The following TSPOAP1 variants were observed in gnomAD, a reference collection of about 807,000 sequenced individuals.
TSPOAP1 encodes the protein TSPO associated protein 1.
TSPOAP1 carries 87 observed loss-of-function variants against 197.0 expected under a neutral mutation model. The observed-to-expected ratio is 0.44, with a 90% confidence interval of 0.37 to 0.53. The LOEUF (loss-of-function observed/expected upper bound fraction) is 0.53. TSPOAP1 is among the 20% of genes least tolerant of loss of function. TSPOAP1 has a pLI of 0.00. For synonymous variants in TSPOAP1, 913 were observed against 998.9 expected, an observed-to-expected ratio of 0.91 and a Z score of 1.62; for missense variants, 2,174 against 2,411.3, an observed-to-expected ratio of 0.90 and a Z score of 2.06.
At chr17:58,314,819 C>G (rs529111869) in intron 16 of TSPOAP1, among the ~76,000 whole-genome samples, 2 of 152,328 alleles carry the variant, frequency 1.3e-5, no homozygotes, top group South Asian at 2.1e-4. Flanking sequence ...GAGCCTGGGC[C>G]GGAGTCAGGC....
chr17:58,326,223 C>T lies in TSPOAP1; in HGVS notation c.570+70G>A, dbSNP rs1391254334. 2 of 1,593,378 alleles carry T rather than the reference C, an allele frequency of 1.3e-6. No individual in the cohort carries two copies. Among genetic ancestry groups the T allele is most frequent in the Non-Finnish European group, 8.5e-7 (1 of 1,170,056 alleles). ...CCGTGACTCCCAAGCTTCAGACAGC[C>T]CTCAGGCCCAGCCCTGGCTCCCCTC... On this transcript the variant is annotated intron_variant, in intron 3 of 31. Coordinates refer to ENST00000343736, the MANE Select transcript of TSPOAP1 (RefSeq NM_004758.4). The surrounding 1 kb of genome is among the most constrained non-coding windows in gnomAD (Gnocchi z 4.7).
Position 58,316,546 on chromosome 17 carries a change from G to C in TSPOAP1, c.1873-6C>G. ...ACCTCACTGGCTGTGTCCACCTGGG[G>C]GCAAACAGAAAGGGCTGGTTTCTCT... On this transcript the variant is annotated splice_region_variant and splice_polypyrimidine_tract_variant and intron_variant, in intron 14 of 31. Transcript: ENST00000343736. 1.9e-6 allele frequency: 3 copies of C among 1,601,218 alleles called. No individual in the cohort carries two copies. The South Asian group carries it at 3.3e-5, about 18-fold the overall frequency.
rs1485431535 is a variant in TSPOAP1 at position 58,324,476 on chromosome 17, C to A, written c.942+335G>T. ...ACGGCGGCGGCGGGAGGAGGCGGCG[C>A]GGGCTGGGCCCCGGGCGGCTGCCAG... On this transcript the variant is annotated intron_variant, in intron 5 of 31. Coordinates refer to ENST00000343736, the MANE Select transcript of TSPOAP1 (RefSeq NM_004758.4). The surrounding 1 kb of genome is among the most constrained non-coding windows in gnomAD (Gnocchi z 5.8). 6.6e-6 allele frequency among the ~76,000 whole-genome samples: 1 copy of A among 151,806 alleles called. No individual in the cohort carries two copies.
Position 58,309,467 on chromosome 17 carries a change from C to A in TSPOAP1, c.3892-87G>T. The A allele has an allele frequency of 4.7e-6, 7 of 1,494,440 alleles. No individual in the cohort carries two copies. The South Asian group carries it at 7.9e-5, about 17-fold the overall frequency. 92.6% of individuals were successfully genotyped at this position (1,494,440 alleles called of 1,614,324 possible). A position where few individuals can be genotyped will look rare whatever the true frequency, so the allele number is the denominator to read the frequency against. ...GAGAGCGAGCTGCGATCTTTGCCCT[C>A]AAACGAAGGCAGGGGTTACGGACAA... is the stretch of plus-strand genomic sequence containing the variant. On this transcript the variant is annotated intron_variant, in intron 21 of 31. Transcript: ENST00000343736. The surrounding 1 kb of genome is among the most constrained non-coding windows in gnomAD (Gnocchi z 5.0).
intron 20 of TSPOAP1, 99 bp from the exon 21 acceptor site, chr17:58,310,257 G>A: frequency 7.6e-7 from 1 of 1,309,176 alleles, no homozygotes; most frequent in Non-Finnish European, 1.0e-6. Flanking sequence ...AGGGTCCTTT[G>A]GCAGAGGGAG....
Position 58,310,166 on chromosome 17 carries a change from A to G in TSPOAP1, c.3700-8T>C, listed in dbSNP as rs1371575007. On this transcript the variant is annotated splice_polypyrimidine_tract_variant and splice_region_variant and intron_variant, in intron 20 of 31. Transcript: ENST00000343736. ...CTCTGCTGTGTCCTCCTTCTGCAAG[A>G]AGTGAGGCAAGGCAGGAGAGATAAG... is the stretch of plus-strand genomic sequence containing the variant. 3 of 1,610,130 alleles carry G rather than the reference A, an allele frequency of 1.9e-6. No individual in the cohort carries two copies. Among genetic ancestry groups the G allele is most frequent in the Non-Finnish European group, 2.5e-6 (3 of 1,178,880 alleles).
In TSPOAP1 at chr17:58,311,615, C is replaced by T. The variant is rs143832913; in HGVS notation, c.3037G>A (p.Gly1013Ser). Residue 1013 changes from glycine to serine, a missense_variant, in exon 18 of 32, where the codon GGT becomes AGT. By Grantham distance (56) the Gly-to-Ser change is moderately conservative. Transcript: ENST00000343736. ...ATGGCATAGCCTGTGACCCGGACAC[C>T]GTTGGATGTGCCAGCAGCATCGATG... is the stretch of plus-strand genomic sequence containing the variant. ...VTIDAAGTSNGVRVTGYAIYA... is the reference protein window; with the variant it reads ...VTIDAAGTSNSVRVTGYAIYA... 147 of 1,609,308 alleles carry T rather than the reference C, an allele frequency of 9.1e-5. No homozygotes were observed. The highest frequency in any genetic ancestry group is 4.9e-4 in the Middle Eastern group (3 of 6,070).
At chr17:58,317,690 A>C (rs1025802132) in intron 14 of TSPOAP1, among the ~76,000 whole-genome samples, 1 of 152,206 alleles carries the variant, frequency 6.6e-6, no homozygotes, top group African/African-American at 2.4e-5. Flanking sequence ...TGAGTTGACG[A>C]CCAGAGCTAT....
rs1412641819 is a variant in TSPOAP1, at chr17:58,320,576, C to A, written c.1428G>T (p.Gln476His). ...QEEVRRLQQA[Q>H]AEAQREHEGA... ...CTTCATGTTCCCTCTGGGCTTCAGC[C>A]TGGGCCTACAGGTGGGGGGAACCAA... The change falls in exon 11 of 32, where the codon CAG becomes CAT. Residue 476 changes from glutamine to histidine, a missense_variant. Transcript: ENST00000343736. 4.8e-6 allele frequency: 7 copies of A among 1,464,260 alleles called. No homozygotes were observed. Among genetic ancestry groups the A allele is most frequent in the Non-Finnish European group, 6.3e-6 (7 of 1,105,696 alleles). The allele number at this position is 1,464,260 out of a possible 1,614,324, so 90.7% of individuals were successfully genotyped here.
chr17:58,325,493 G>A, intron 4 of TSPOAP1, 41 bp downstream of exon 4: 1 of 1,607,714 alleles, frequency 6.2e-7, no homozygotes, highest in Non-Finnish European at 8.5e-7. Flanking sequence ...ATGGCCCTGT[G>A]CAGGGCTGAG....
At chr17:58,325,793 G>A (rs1971576288) in intron 3 of TSPOAP1, 80 bp from the exon 4 acceptor site, 1 of 1,460,222 alleles carries the variant, frequency 6.8e-7, no homozygotes. Context: ...CCCAAAGGAG[G>A]AGTTAGCATG....
chr17:58,311,097 C>T lies in TSPOAP1; in HGVS notation c.3198G>A (p.Ser1066=), dbSNP rs959772645. 51 of 1,588,392 alleles carry T rather than the reference C, an allele frequency of 3.2e-5. No individual in the cohort carries two copies. Among genetic ancestry groups the T allele is most frequent in the Middle Eastern group, 1.7e-4 (1 of 5,998 alleles). The change falls in exon 19 of 32, where the codon TCG becomes TCA. Residue 1066 remains serine (S), a synonymous_variant. Transcript: ENST00000343736. ...TGATAGGAGCCGGGATGGAGTCCGC[C>T]GACTCCCCGTGGGGCGACATGGTGC... ...VVRTMSPHGE[S]ADSIPAPITP... is the part of the protein sequence containing the mutation.
In TSPOAP1 at chr17:58,327,951, C is replaced by T. The variant is rs375715650; in HGVS notation, c.-31G>A. 25 of 1,539,286 alleles carry T rather than the reference C, an allele frequency of 1.6e-5. No individual in the cohort carries two copies. Among genetic ancestry groups the T allele is most frequent in the African/African-American group, 2.7e-5 (2 of 73,466 alleles). Reference sequence around the variant, plus strand: ...TGCCAAGGGGCCCCAGAACCCGGGCCGGGGGACATCACCCAGCCAGGTGGG... The same window carrying T: ...TGCCAAGGGGCCCCAGAACCCGGGCTGGGGGACATCACCCAGCCAGGTGGG... On this transcript the variant is annotated 5_prime_UTR_variant, in exon 1 of 32. Transcript: ENST00000343736.
chr17:58,322,662 C>A lies in TSPOAP1; in HGVS notation c.1309G>T (p.Val437Leu), dbSNP rs756457848. 1 of 1,610,532 alleles carries A rather than the reference C, an allele frequency of 6.2e-7. No homozygotes were observed. Among genetic ancestry groups the A allele is most frequent in the Admixed American group, 1.7e-5 (1 of 60,026 alleles). Residue 437 changes from valine (V) to leucine (L), a missense_variant, in exon 9 of 32, where the codon GTG becomes TTG. Val to Leu is a conservative substitution (Grantham distance 32). Around this residue, in one of 5 missense-constraint regions of TSPOAP1, gnomAD observed 1,933 missense variants for 2,139.0 expected, o/e 0.90. Transcript: ENST00000343736. The surrounding 1 kb of genome is among the most constrained non-coding windows in gnomAD (Gnocchi z 5.0). Reference sequence around the variant, plus strand: ...CTGCACCATCTCCTCACCTTCAGCACTTGCTCCAGGCTCTCCAGCTTGCTC... The same window carrying A: ...CTGCACCATCTCCTCACCTTCAGCAATTGCTCCAGGCTCTCCAGCTTGCTC... ...LQSKLESLEQ[V>L]LKHMREVAQR...
chr17:58,305,778 G>A (rs984197251), intron 27 of TSPOAP1, 55 bp downstream of exon 27: 1 of 1,605,564 alleles, frequency 6.2e-7, no homozygotes, highest in African/African-American at 1.3e-5. Context: ...AGGCCAGAGG[G>A]GCCACCCACC....
rs1270098196 is a variant in TSPOAP1 at position 58,310,767 on chromosome 17, C to T, written c.3460-16G>A. 1 of 1,606,400 alleles carries T rather than the reference C, an allele frequency of 6.2e-7. No individual in the cohort carries two copies. The highest frequency in any genetic ancestry group is 1.3e-5 in the African/African-American group (1 of 74,832). On this transcript the variant is annotated splice_polypyrimidine_tract_variant and intron_variant, in intron 19 of 31. Coordinates refer to ENST00000343736, the MANE Select transcript of TSPOAP1 (RefSeq NM_004758.4). ...CAGCCTCCTCCTGGAACAGAGAGCACTGAGGAAGGACCCAAGCCCAGGTCC... is the reference window on the plus strand; with the variant it reads ...CAGCCTCCTCCTGGAACAGAGAGCATTGAGGAAGGACCCAAGCCCAGGTCC...
intron 15 of TSPOAP1, 123 bp downstream of exon 15, chr17:58,316,302 G>A (rs974957786): frequency 2.7e-5 from 30 of 1,099,872 alleles, no homozygotes; most frequent in Non-Finnish European, 3.8e-5. Context: ...TAGGTTATTA[G>A]AATAGGTCCA....
In TSPOAP1 at chr17:58,311,667, G is replaced by C; in HGVS notation, c.2985C>G (p.Ile995Met). ...TGACTGGGAGCCAACTGATGATCAA[G>C]ATCCCAGGGGAGGGCCCAGGCTCGA... ...VQIEPGPSPGILIISWLPVTI... is the reference protein window; with the variant it reads ...VQIEPGPSPGMLIISWLPVTI... Residue 995 changes from isoleucine to methionine, a missense_variant, in exon 18 of 32, where the codon ATC (isoleucine) becomes ATG (methionine). Transcript: ENST00000343736. The C allele has an allele frequency of 6.2e-7, 1 of 1,609,772 alleles. No homozygotes were observed. Among genetic ancestry groups the C allele is most frequent in the African/African-American group, 1.3e-5 (1 of 74,978 alleles).
rs763487216 is a variant in TSPOAP1, at chr17:58,312,437, C to T, written c.2384G>A (p.Arg795His). The change falls in exon 17 of 32, where the codon CGC becomes CAC. Residue 795 changes from arginine (R) to histidine (H), a missense_variant. Arg to His is a conservative substitution (Grantham distance 29, BLOSUM62 0). Transcript: ENST00000343736. ...CAGCTGCTTGAGGACCACCAGACGG[C>T]GGGGGTAAGGCACGGCAGGAGGCTC... Reference protein sequence around the residue: ...LGEPPAVPYPRRLVVLKQLAH... With the variant: ...LGEPPAVPYPHRLVVLKQLAH... 6.2e-6 allele frequency: 10 copies of T among 1,612,790 alleles called. No individual in the cohort carries two copies. The highest frequency in any genetic ancestry group is 2.7e-5 in the African/African-American group (2 of 74,928).
Sources: gnomAD v4.1 joint callset for allele counts (sites outside exome capture counted in the v4.1 genomes callset) on GRCh38, gnomAD v4.1.1 for gene constraint, gnomAD v4.1.1 regional missense constraint, Gnocchi (gnomAD v3.1) non-coding constraint, MANE v1.5 for transcripts, NCBI Gene and HGNC (gene_info 2026-07-23, HGNC 2026-07-21) for gene names.